The following MRNIP variants were observed in gnomAD, a reference collection of about 807,000 sequenced individuals.
The protein encoded by MRNIP is MRN complex interacting protein.
MRNIP carries 30 observed loss-of-function variants against 29.8 expected under a neutral mutation model. That is an observed-to-expected ratio of 1.01 (90% confidence interval 0.75 to 1.36). The LOEUF (loss-of-function observed/expected upper bound fraction) is 1.36. Ranked by LOEUF, MRNIP falls within the 40% of genes most tolerant of loss-of-function variation. MRNIP has a pLI of 0.00. For missense variants in MRNIP, 459 were observed against 423.5 expected (o/e 1.08, Z -0.74); for synonymous variants, 201 against 164.1 (o/e 1.23, Z -1.72).
chr5:179,856,541 C>T (rs1427715679), intron 1 of MRNIP, among the ~76,000 whole-genome samples: 1 of 152,210 alleles, frequency 6.6e-6, no homozygotes, highest in African/African-American at 2.4e-5. Context: ...GTGAACACGG[C>T]TCACTGCAAC....
At chr5:179,843,059 A>AAGGAAGGAAGGAAGGGATGGAGGG (rs1230506135) in intron 4 of MRNIP, among the ~76,000 whole-genome samples, 1 of 119,892 alleles carries the variant, frequency 8.3e-6, no homozygotes, top group Non-Finnish European at 1.8e-5. Context: ...GGAAGGAAGG[A>AAGGAAGGAAGGAAGGGATGGAGGG]AGGGAGGGAG....
Position 179,853,367 on chromosome 5 carries a change from G to A in MRNIP, c.126+11C>T, listed in dbSNP as rs1307857352. 2 of 1,612,384 alleles carry A rather than the reference G, an allele frequency of 1.2e-6. No individual in the cohort carries two copies. Among genetic ancestry groups the A allele is most frequent in the Admixed American group, 3.3e-5 (2 of 60,010 alleles). ...CTGCGCCCCACTTGCTTTCTGTTTT[G>A]TAGGACTCACCTGCAAAAAGGACTG... On this transcript the variant is annotated intron_variant, in intron 2 of 6. Coordinates refer to ENST00000292586, the MANE Select transcript of MRNIP (RefSeq NM_016175.4).
chr5:179,842,731 G>A (rs61642310), intron 4 of MRNIP, among the ~76,000 whole-genome samples: 1,756 of 62,850 alleles, frequency 0.028, 16 homozygotes, highest in Middle Eastern at 0.096. Context: ...AAAAAAAAAA[G>A]AACAGAGGGG....
Position 179,837,310 on chromosome 5 carries a change from C to CAGAGT in MRNIP, c.*76_*80dup. 1 of 1,598,764 alleles carries CAGAGT rather than the reference C, an allele frequency of 6.3e-7. No homozygotes were observed. Among genetic ancestry groups the CAGAGT allele is most frequent in the Non-Finnish European group, 8.5e-7 (1 of 1,172,436 alleles). On this transcript the variant is annotated 3_prime_UTR_variant, in exon 7 of 7. Transcript: ENST00000292586. ...GTAAGTTTATTGTTAATGGTTCTTA[C>CAGAGT]AGAGTATCTTTAAAAGTGCCTTAGG...
chr5:179,842,843 G>C (rs545619926), intron 4 of MRNIP, among the ~76,000 whole-genome samples: 1 of 150,304 alleles, frequency 6.7e-6, no homozygotes, highest in Non-Finnish European at 1.5e-5. Flanking sequence ...GACTAGCCTA[G>C]GCAACATGGT....
chr5:179,850,507 G>A (rs1219990929), intron 2 of MRNIP, among the ~76,000 whole-genome samples: 1 of 152,218 alleles, frequency 6.6e-6, no homozygotes, highest in Admixed American at 6.5e-5. Flanking sequence ...TGGACTCCCA[G>A]TGCCTGGCAG....
chr5:179,851,709 T>C (rs1005837211), intron 2 of MRNIP, among the ~76,000 whole-genome samples: 1 of 152,162 alleles, frequency 6.6e-6, no homozygotes, highest in Non-Finnish European at 1.5e-5. Flanking sequence ...CCAGGCACGG[T>C]GGCTCACGCC....
chr5:179,843,063 G>A (rs2431121), intron 4 of MRNIP, among the ~76,000 whole-genome samples: 6,950 of 102,260 alleles, frequency 0.068, 214 homozygotes, highest in East Asian at 0.13. Flanking sequence ...GGAAGGAAGG[G>A]AGGGAGGGAG....
In MRNIP at chr5:179,843,715, G is replaced by A. The variant is rs911744578; in HGVS notation, c.291+437C>T. ...TGATCGCGCCACTGCATTCCAGCCTGGGCGACAGAGTGAGACCTCGTTTCA... is the reference window on the plus strand; with the variant it reads ...TGATCGCGCCACTGCATTCCAGCCTAGGCGACAGAGTGAGACCTCGTTTCA... On this transcript the variant is annotated intron_variant, in intron 4 of 6. Coordinates refer to ENST00000292586, the MANE Select transcript of MRNIP (RefSeq NM_016175.4). 1.6e-3 allele frequency among the ~76,000 whole-genome samples: 251 copies of A among 152,196 alleles called. 1 individual carries two copies. The highest frequency in any genetic ancestry group is 5.7e-3 in the African/African-American group (235 of 41,506).
Position 179,837,303 on chromosome 5 carries a change from GT to G in MRNIP, c.*87del, listed in dbSNP as rs1758621994. 2.1e-5 allele frequency: 33 copies of G among 1,601,906 alleles called. No homozygotes were observed. The South Asian group carries it at 3.2e-4, about 16-fold the overall frequency. On this transcript the variant is annotated 3_prime_UTR_variant, in exon 7 of 7. Transcript: ENST00000292586. ...ATTGACAGTAAGTTTATTGTTAATG[GT>G]TCTTACAGAGTATCTTTAAAAGTGC...
chr5:179,837,350 C>A lies in MRNIP; in HGVS notation c.*41G>T. 6.3e-7 allele frequency: 1 copy of A among 1,582,692 alleles called. No individual in the cohort carries two copies. Among genetic ancestry groups the A allele is most frequent in the Non-Finnish European group, 8.6e-7 (1 of 1,164,182 alleles). ...AGTGCCTTAGGGGAACCCTGTCCCT[C>A]CTAACAAGTGTATCTCGATTAATAA... On this transcript the variant is annotated 3_prime_UTR_variant, in exon 7 of 7. Transcript: ENST00000292586.
At chr5:179,843,041 A>AGAAGAGGAAAGAAGGAAGGAAG (rs1554093091) in intron 4 of MRNIP, among the ~76,000 whole-genome samples, 9 of 106,200 alleles carry the variant, frequency 8.5e-5, no homozygotes, top group Non-Finnish European at 1.4e-4. Flanking sequence ...AAAGGAGGAA[A>AGAAGAGGAAAGAAGGAAGGAAG]GAAGGAAGGA....
intron 6 of MRNIP, chr5:179,840,482 A>C: frequency 2.8e-6 from 1 of 359,214 alleles, no homozygotes; most frequent in Non-Finnish European, 5.1e-6. Flanking sequence ...AGCAGGGCAA[A>C]TGCGAGTGTG....
intron 1 of MRNIP, among the ~76,000 whole-genome samples, chr5:179,854,021 T>A (rs1759485276): frequency 3.7e-5 from 2 of 53,590 alleles, no homozygotes; most frequent in Admixed American, 3.7e-4. Context: ...CTGAAATAAT[T>A]TTTTTTTTTT....
chr5:179,847,296 T>C (rs936508335), intron 3 of MRNIP: 4 of 150,600 alleles, frequency 2.7e-5, no homozygotes, highest in African/African-American at 9.7e-5. Flanking sequence ...GCCTCCTGAG[T>C]AGCTGGGATC....
At chr5:179,843,077 G>A (rs898979809) in intron 4 of MRNIP, among the ~76,000 whole-genome samples, 1 of 149,138 alleles carries the variant, frequency 6.7e-6, no homozygotes, top group Non-Finnish European at 1.5e-5. Context: ...GAGGGAGGGA[G>A]GGAGGCAGGC....
At chr5:179,848,536 T>C (rs1441131384) in intron 2 of MRNIP, among the ~76,000 whole-genome samples, 1 of 152,168 alleles carries the variant, frequency 6.6e-6, no homozygotes, top group East Asian at 1.9e-4. Context: ...ATACCAACTG[T>C]GTGCCAGGCC....
intron 2 of MRNIP, among the ~76,000 whole-genome samples, chr5:179,852,185 C>A (rs542430573): frequency 6.6e-6 from 1 of 151,042 alleles, no homozygotes; most frequent in East Asian, 2.0e-4. Flanking sequence ...ACTCAGGAGG[C>A]TGAGGCAGGA....
intron 4 of MRNIP, among the ~76,000 whole-genome samples, chr5:179,843,055 AAGGAAGGGAGGGAGGG>A (rs1259506383): frequency 3.3e-5 from 4 of 121,596 alleles, no homozygotes; most frequent in Non-Finnish European, 7.2e-5. Flanking sequence ...GGAAGGAAGG[AAGGAAGGGAGGGAGGG>A]AGGGAGGGAG....
Sources: allele counts gnomAD v4.1 joint callset (sites outside exome capture counted in the v4.1 genomes callset), GRCh38; gene constraint gnomAD v4.1.1; transcripts MANE v1.5; gene names NCBI Gene and HGNC (gene_info 2026-07-23, HGNC 2026-07-21).